PECR: variants seen among roughly 807,000 people sequenced by gnomAD.
The protein encoded by PECR is peroxisomal trans-2-enoyl-CoA reductase, also known as 2,4-dienoyl-CoA reductase-related protein.
A neutral mutation model predicts 35.3 loss-of-function variants in PECR; 30 were observed. That is an observed-to-expected ratio of 0.85 (90% CI 0.64 to 1.15). The LOEUF is 1.15. Ranked by LOEUF, PECR falls within the 50% of genes most tolerant of loss-of-function variation. The pLI is 0.00. For missense variants in PECR, 392 were observed against 370.8 expected, an observed-to-expected ratio of 1.06 and a Z score of -0.47; for synonymous variants, 148 against 138.9, an observed-to-expected ratio of 1.07 and a Z score of -0.46.
chr2:216,041,580 G>C (rs1487226030), intron 7 of PECR, among the ~76,000 whole-genome samples: 1 of 152,184 alleles, frequency 6.6e-6, no homozygotes, highest in Non-Finnish European at 1.5e-5. Context: ...TAATATCCTA[G>C]ACTCGCCAAA....
chr2:216,062,807 A>G (rs1057453927), intron 3 of PECR, among the ~76,000 whole-genome samples: 2 of 152,244 alleles, frequency 1.3e-5, no homozygotes, highest in Non-Finnish European at 2.9e-5. Context: ...AGATTATAAT[A>G]CCACATTTTT....
chr2:216,079,480 G>T (rs897747237), intron 1 of PECR, among the ~76,000 whole-genome samples: 1 of 150,886 alleles, frequency 6.6e-6, no homozygotes, highest in South Asian at 2.1e-4. Context: ...CCATTCTCCT[G>T]CCTCAGCCTC....
chr2:216,040,100 A>G (rs979887180), intron 7 of PECR, among the ~76,000 whole-genome samples: 1 of 151,588 alleles, frequency 6.6e-6, no homozygotes. Context: ...AACACCATGG[A>G]GGCAAAAACA....
At chr2:216,061,811 G>A in intron 3 of PECR, among the ~76,000 whole-genome samples, 1 of 152,104 alleles carries the variant, frequency 6.6e-6, no homozygotes, top group Non-Finnish European at 1.5e-5. Flanking sequence ...ACTATATAAT[G>A]AGTGATTTTA....
At position 216,039,088 on chromosome 2, in the gene PECR, T is replaced by C. The variant is rs963276271; in HGVS notation, c.*187A>G. On this transcript the variant is annotated 3_prime_UTR_variant, in exon 8 of 8. Transcript: ENST00000265322. Reference sequence around the variant, plus strand: ...TACTTATACATTTTTAAATCATAGGTTAAAAGACTCTGATTGGGACATAAG... The same window carrying C: ...TACTTATACATTTTTAAATCATAGGCTAAAAGACTCTGATTGGGACATAAG... 2.0e-6 allele frequency: 1 copy of C among 512,562 alleles called. No homozygotes were observed. The highest frequency in any genetic ancestry group is 1.9e-5 in the African/African-American group (1 of 52,010). The allele number at this position is 512,562 out of a possible 1,614,324, so 31.8% of individuals were successfully genotyped here.
intron 1 of PECR, among the ~76,000 whole-genome samples, chr2:216,072,128 A>G (rs1396378779): frequency 2.6e-5 from 4 of 152,234 alleles, no homozygotes; most frequent in Non-Finnish European, 5.9e-5. Flanking sequence ...TGATACAGTT[A>G]TAGGCTGTTT....
chr2:216,065,446 G>C lies in PECR; in HGVS notation c.290C>G (p.Thr97Ser). 6.2e-7 allele frequency: 1 copy of C among 1,607,496 alleles called. No individual in the cohort carries two copies. Among genetic ancestry groups the C allele is most frequent in the Non-Finnish European group, 8.5e-7 (1 of 1,173,932 alleles). ...CACCAAGAAATTGATCTTACCAAAA[G>C]TATCTAAGGTAGATTTGACCAAATT... is the stretch of plus-strand genomic sequence containing the variant. Reference protein sequence around the residue: ...VNNLVKSTLDTFGKINFLVNN... With the variant: ...VNNLVKSTLDSFGKINFLVNN... The change falls in exon 3 of 8, where the codon ACT becomes AGT. Residue 97 changes from threonine to serine, a missense_variant. Coordinates refer to ENST00000265322, the MANE Select transcript of PECR (RefSeq NM_018441.6).
intron 6 of PECR, among the ~76,000 whole-genome samples, chr2:216,048,666 C>G (rs888058996): frequency 1.3e-5 from 2 of 151,706 alleles, no homozygotes; most frequent in African/African-American, 4.8e-5. Context: ...GCCAAGATCG[C>G]GCCACTGCAC....
intron 4 of PECR, among the ~76,000 whole-genome samples, chr2:216,054,145 G>C (rs907072546): frequency 2.6e-5 from 4 of 151,778 alleles, no homozygotes; most frequent in African/African-American, 9.7e-5. Flanking sequence ...ATTTTAGCTG[G>C]GCATGGTGGC....
intron 5 of PECR, 102 bp from the exon 6 acceptor site, chr2:216,049,475 C>T: frequency 1.6e-6 from 1 of 624,456 alleles, no homozygotes; most frequent in Non-Finnish European, 2.9e-6. Flanking sequence ...CATTAAGTAG[C>T]TTAAGTCAAA....
chr2:216,059,780 G>C (rs1038181495), intron 3 of PECR, among the ~76,000 whole-genome samples: 10 of 152,164 alleles, frequency 6.6e-5, no homozygotes, highest in Admixed American at 2.0e-4. Flanking sequence ...TATATATCTA[G>C]CCTATGTCAG....
intron 1 of PECR, among the ~76,000 whole-genome samples, chr2:216,067,062 C>A (rs1695481139): frequency 6.6e-6 from 1 of 151,858 alleles, no homozygotes; most frequent in African/African-American, 2.4e-5. Context: ...CCTTGGATTG[C>A]CCCAGCTTGC....
At chr2:216,043,014 T>TAC (rs1694919469) in intron 7 of PECR, among the ~76,000 whole-genome samples, 1 of 147,242 alleles carries the variant, frequency 6.8e-6, no homozygotes, top group African/African-American at 2.5e-5. Context: ...TGTATATATA[T>TAC]ATACACATAC....
intron 4 of PECR, among the ~76,000 whole-genome samples, chr2:216,051,816 G>C (rs1160040438): frequency 6.6e-6 from 1 of 152,186 alleles, no homozygotes; most frequent in African/African-American, 2.4e-5. Flanking sequence ...ATACTTTAAA[G>C]AACTTTGATT....
intron 1 of PECR, among the ~76,000 whole-genome samples, chr2:216,069,733 C>T (rs1302742846): frequency 2.0e-5 from 3 of 151,956 alleles, no homozygotes; most frequent in South Asian, 2.1e-4. Flanking sequence ...GTCAGCAGTT[C>T]GAGACCAGCT....
At chr2:216,080,123 C>A (rs1695802634) in intron 1 of PECR, among the ~76,000 whole-genome samples, 1 of 151,232 alleles carries the variant, frequency 6.6e-6, no homozygotes, top group African/African-American at 2.4e-5. Flanking sequence ...GCTCTGTTGC[C>A]CAGGCTGGAG....
rs144174342 is a variant in PECR, at chr2:216,063,239, C to T, written c.424+2073G>A. Among the ~76,000 whole-genome samples the T allele has an allele frequency of 5.5e-3, 830 of 152,222 alleles. 10 individuals carry two copies. The highest frequency in any genetic ancestry group is 0.019 in the African/African-American group (788 of 41,538). On this transcript the variant is annotated intron_variant, in intron 3 of 7. Transcript: ENST00000265322. Reference sequence around the variant, plus strand: ...TTTTAAGGGCCGCATAGTTCTTTATCATATAGATGTATAAAACTTCACTCA... The same window carrying T: ...TTTTAAGGGCCGCATAGTTCTTTATTATATAGATGTATAAAACTTCACTCA...
At chr2:216,073,610 CTTTTAT>C (rs1256325716) in intron 1 of PECR, among the ~76,000 whole-genome samples, 3 of 151,514 alleles carry the variant, frequency 2.0e-5, no homozygotes, top group Non-Finnish European at 4.4e-5. Context: ...TTTACTATAT[CTTTTAT>C]TTTTATTATA....
Position 216,049,336 on chromosome 2 carries a change from C to A in PECR, c.641G>T (p.Gly214Val). ...TTCAAAGAAGCTTTGTCCCCAGGAA[C>A]CATAGTTCTCCACAGCAGTCTGGGA... ...IYSQTAVENY[G>V]SWGQSFFEGS... Residue 214 changes from glycine (G) to valine (V), a missense_variant, in exon 6 of 8, where the codon GGT becomes GTT. By Grantham distance (109) the Gly-to-Val change is moderately radical. Coordinates refer to ENST00000265322, the MANE Select transcript of PECR (RefSeq NM_018441.6). 6.3e-7 allele frequency: 1 copy of A among 1,593,984 alleles called. No homozygotes were observed. The highest frequency in any genetic ancestry group is 1.1e-5 in the South Asian group (1 of 90,692).
Sources: gnomAD v4.1 joint callset for allele counts (sites outside exome capture counted in the v4.1 genomes callset) on GRCh38, gnomAD v4.1.1 for gene constraint, MANE v1.5 for transcripts, NCBI Gene and HGNC (gene_info 2026-07-23, HGNC 2026-07-21) for gene names.